The following RCC2 variants were observed in gnomAD, a reference collection of about 807,000 sequenced individuals.
RCC2 encodes protein RCC2.
Under a neutral mutation model 64.1 loss-of-function variants are expected in RCC2, and 19 were observed. The observed-to-expected ratio is 0.30, with a 90% confidence interval of 0.21 to 0.44. RCC2 has a LOEUF of 0.44. RCC2 is among the 20% of genes least tolerant of loss of function. The probability of loss-of-function intolerance (pLI) is 1.00; values close to 1 mark genes in which losing one functional copy is unlikely to be tolerated. For synonymous variants in RCC2, 325 were observed against 279.6 expected, an observed-to-expected ratio of 1.16 and a Z score of -1.62; for missense variants, 508 against 710.4, an observed-to-expected ratio of 0.72 and a Z score of 3.24.
At chr1:17,426,437 G>A (rs1257012646) in intron 3 of RCC2, among the ~76,000 whole-genome samples, 3 of 152,066 alleles carry the variant, frequency 2.0e-5, no homozygotes, top group Admixed American at 2.0e-4. Context: ...CTTCCTGAAA[G>A]CTCAAGTCAA....
intron 12 of RCC2, 51 bp downstream of exon 12, chr1:17,409,923 T>C (rs2075406473): frequency 1.2e-5 from 18 of 1,457,250 alleles, no homozygotes; most frequent in Non-Finnish European, 1.7e-5. Flanking sequence ...AGGAGTGACA[T>C]ACCACTGGGT....
chr1:17,431,499 C>CAAAAAAAAAAAAAAA (rs558362245), intron 2 of RCC2, among the ~76,000 whole-genome samples: 2 of 57,896 alleles, frequency 3.5e-5, no homozygotes, highest in Admixed American at 2.3e-4. Flanking sequence ...AGCCCTGTCT[C>CAAAAAAAAAAAAAAA]AAAAAAAAAA....
chr1:17,438,862 GCCT>G (rs2075774283), intron 1 of RCC2, among the ~76,000 whole-genome samples: 2 of 152,174 alleles, frequency 1.3e-5, no homozygotes, highest in Non-Finnish European at 2.9e-5. Context: ...AGTAAAACCA[GCCT>G]CCAGTCCCCT....
chr1:17,413,211 C>A, intron 9 of RCC2, 33 bp from the exon 10 acceptor site: 1 of 1,460,352 alleles, frequency 6.8e-7, no homozygotes, highest in South Asian at 1.2e-5. Context: ...CCCAGCGTGA[C>A]CAGACATCGA....
chr1:17,422,197 G>A lies in RCC2; in HGVS notation c.744+6C>T. The A allele has an allele frequency of 1.9e-6, 3 of 1,597,424 alleles. No homozygotes were observed. The highest frequency in any genetic ancestry group is 2.6e-6 in the Non-Finnish European group (3 of 1,169,210). Reference sequence around the variant, plus strand: ...AGCCATGGAGCCGGAGCTGAGGAGGGGTCACCTGCGCGGGGCTGGGAACAG... The same window carrying A: ...AGCCATGGAGCCGGAGCTGAGGAGGAGTCACCTGCGCGGGGCTGGGAACAG... On this transcript the variant is annotated splice_donor_region_variant and intron_variant, in intron 6 of 12. Coordinates refer to ENST00000375436, the MANE Select transcript of RCC2 (RefSeq NM_018715.4).
chr1:17,422,755 T>A lies in RCC2; in HGVS notation c.605A>T (p.Glu202Val), dbSNP rs755490156. Residue 202 changes from glutamate to valine, a missense_variant, in exon 5 of 13, where the codon GAA (glutamate) becomes GTA (valine). By Grantham distance (121) the Glu-to-Val change is moderately radical (BLOSUM62 -2). Coordinates refer to ENST00000375436, the MANE Select transcript of RCC2 (RefSeq NM_018715.4). ...CCCACATGCTGCAGACACAATCACT[T>A]CGTGGCTAAGACCCTCGATGAGTCT... ...APRLIEGLSH[E>V]VIVSAACGRN... 20 of 1,614,052 alleles carry A rather than the reference T, an allele frequency of 1.2e-5. No homozygotes were observed. The highest frequency in any genetic ancestry group is 1.1e-5 in the Non-Finnish European group (13 of 1,180,010).
intron 9 of RCC2, 46 bp downstream of exon 9, chr1:17,413,491 G>T: frequency 6.3e-7 from 1 of 1,589,338 alleles, no homozygotes; most frequent in South Asian, 1.1e-5. Flanking sequence ...TGGCTACACG[G>T]TTCCGCACCA....
At chr1:17,413,216 C>T in intron 9 of RCC2, 38 bp from the exon 10 acceptor site, 1 of 1,407,558 alleles carries the variant, frequency 7.1e-7, no homozygotes, top group African/African-American at 1.4e-5. Flanking sequence ...CGTGACCAGA[C>T]ATCGAGAGCT....
rs150328734 is a variant in RCC2 at position 17,436,099 on chromosome 1, T to C, written c.285+2131A>G. ...TTTTAAGTGGATAGAGAAAGGAAGA[T>C]GTAGCTTTTAGAGTCCTGCTTATAC... On this transcript the variant is annotated intron_variant, in intron 2 of 12. Transcript: ENST00000375436. 1.0e-3 allele frequency among the ~76,000 whole-genome samples: 158 copies of C among 152,286 alleles called. 1 individual carries two copies. Among genetic ancestry groups the C allele is most frequent in the South Asian group, 4.1e-3 (20 of 4,828 alleles).
In RCC2 at chr1:17,406,869, A is replaced by T. The variant is rs1412902379; in HGVS notation, c.*2221T>A. 2 of 152,224 alleles carry T rather than the reference A, an allele frequency of 1.3e-5. No individual in the cohort carries two copies. The highest frequency in any genetic ancestry group is 2.9e-5 in the Non-Finnish European group (2 of 68,042). The allele number at this position is 152,224 out of a possible 1,614,324, so 9.4% of individuals were successfully genotyped here. On this transcript the variant is annotated 3_prime_UTR_variant, in exon 13 of 13. Transcript: ENST00000375436. The stretch of plus-strand genomic sequence containing the variant: ...TAAACCAGGCACCTTCGACCAAATC[A>T]CAACCTCCTCTTTGATTCCCCTTCA...
chr1:17,437,865 T>G (rs1029016108), intron 2 of RCC2, among the ~76,000 whole-genome samples: 2 of 144,434 alleles, frequency 1.4e-5, no homozygotes, highest in African/African-American at 5.0e-5. Flanking sequence ...CCGGGCGAAC[T>G]TACCGAGGTC....
chr1:17,407,485 C>T lies in RCC2; in HGVS notation c.*1605G>A, dbSNP rs1285068948. 1.3e-5 allele frequency: 2 copies of T among 152,364 alleles called. No individual in the cohort carries two copies. Among genetic ancestry groups the T allele is most frequent in the Non-Finnish European group, 2.9e-5 (2 of 68,038 alleles). The allele number at this position is 152,364 out of a possible 1,614,324, so 9.4% of individuals were successfully genotyped here. A position where few individuals can be genotyped will look rare whatever the true frequency, so the allele number is the denominator to read the frequency against. ...TCTCCCCTGGACTACTGATTGAACA[C>T]AGAACAAGAGATGCGCGTGGCGTCA... On this transcript the variant is annotated 3_prime_UTR_variant, in exon 13 of 13. Transcript: ENST00000375436.
intron 8 of RCC2, 123 bp from the exon 9 acceptor site, chr1:17,413,840 G>C: frequency 1.1e-6 from 1 of 899,860 alleles, no homozygotes; most frequent in South Asian, 1.7e-5. Flanking sequence ...CAACATTCAA[G>C]ATCCCCTACC....
At chr1:17,435,588 T>C (rs1007296422) in intron 2 of RCC2, among the ~76,000 whole-genome samples, 11 of 152,226 alleles carry the variant, frequency 7.2e-5, no homozygotes, top group South Asian at 2.1e-4. Context: ...CCTAGGCCTA[T>C]GGAAAGGCAA....
intron 7 of RCC2, 61 bp from the exon 8 acceptor site, chr1:17,416,707 G>A: frequency 6.5e-7 from 1 of 1,539,928 alleles, no homozygotes; most frequent in Non-Finnish European, 8.8e-7. Context: ...GTGTCAGTGT[G>A]CTCACACGGA....
intron 7 of RCC2, among the ~76,000 whole-genome samples, chr1:17,420,380 G>A (rs2075542910): frequency 6.6e-6 from 1 of 152,056 alleles, no homozygotes; most frequent in South Asian, 2.1e-4. Context: ...TTCAATAAAG[G>A]CATAATCTTT....
In RCC2 at chr1:17,425,593, C is replaced by T. The variant is rs138769299; in HGVS notation, c.471G>A (p.Ser157=). The T allele has an allele frequency of 1.2e-3, 1,946 of 1,614,062 alleles. 48 individuals are homozygous for T. In the Admixed American group the frequency reaches 0.029, roughly 24 times the overall value. The stretch of plus-strand genomic sequence containing the variant: ...TGATGAGGAGGCTGTGTGCAGCACA[C>T]GAGCCCGAGACCACTGTCCGCACCC... The part of the protein sequence containing the change: ...GVRVRTVVSG[S]CAAHSLLITT... The change falls in exon 4 of 13, where the codon TCG becomes TCA. Residue 157 remains serine, a synonymous_variant. Coordinates refer to ENST00000375436, the MANE Select transcript of RCC2 (RefSeq NM_018715.4).
At position 17,425,642 on chromosome 1, in the gene RCC2, C is replaced by A; in HGVS notation, c.422G>T (p.Arg141Ile). The A allele has an allele frequency of 6.2e-7, 1 of 1,613,808 alleles. No individual in the cohort carries two copies. The highest frequency in any genetic ancestry group is 8.5e-7 in the Non-Finnish European group (1 of 1,179,728). The change falls in exon 4 of 13, where the codon AGA becomes ATA. Residue 141 changes from arginine to isoleucine, a missense_variant. Physicochemically the swap from Arg to Ile is moderately conservative, Grantham distance 97. Transcript: ENST00000375436. ...CCGGACCCCCGCCAGGCACCCATAT[C>A]TGTGGGGCCCCCACAAATTCTGACC... ...NLGQNLWGPHRYGCLAGVRVR... is the reference protein window; with the variant it reads ...NLGQNLWGPHIYGCLAGVRVR...
intron 4 of RCC2, among the ~76,000 whole-genome samples, chr1:17,423,486 C>CG (rs1417052393): frequency 2.6e-5 from 4 of 152,228 alleles, no homozygotes; most frequent in Non-Finnish European, 5.9e-5. Flanking sequence ...GCTGCAGGTG[C>CG]GACCAAGGCC....
Sources: allele counts gnomAD v4.1 joint callset (sites outside exome capture counted in the v4.1 genomes callset), GRCh38; gene constraint gnomAD v4.1.1; transcripts MANE v1.5; gene names NCBI Gene and HGNC (gene_info 2026-07-23, HGNC 2026-07-21).